The following SARM1 variants were observed in gnomAD, a reference collection of about 807,000 sequenced individuals.
The protein encoded by SARM1 is sterile alpha and TIR motif containing 1, also known as NAD(+) hydrolase SARM1.
In SARM1, 60 loss-of-function variants were observed where a neutral mutation model predicts 65.1. The observed-to-expected ratio is 0.92, with a 90% CI of 0.75 to 1.14. The LOEUF (loss-of-function observed/expected upper bound fraction) is 1.14, where lower values mean the gene tolerates loss of function less well. Ranked by LOEUF, SARM1 falls within the 50% of genes most tolerant of loss-of-function variation. SARM1 has a pLI of 0.00. For synonymous variants in SARM1, 417 were observed against 465.4 expected (o/e 0.90, Z 1.34); for missense variants, 913 against 1,015.7 (o/e 0.90, Z 1.37).
Position 28,384,081 on chromosome 17 carries a change from C to T in SARM1, c.1090-276C>T, listed in dbSNP as rs927182531. Among the ~76,000 whole-genome samples the T allele has an allele frequency of 5.3e-5, 8 of 152,128 alleles. No individual in the cohort carries two copies. The highest frequency in any genetic ancestry group is 2.1e-4 in the South Asian group (1 of 4,834). On this transcript the variant is annotated intron_variant, in intron 2 of 8. Coordinates refer to ENST00000585482, the MANE Select transcript of SARM1 (RefSeq NM_015077.4). This position sits in a 1 kb window ranked among gnomAD's most constrained non-coding sequence, Gnocchi z 4.4. ...CCTGCCTGGCGCTATGCTGAGAGCT[C>T]AACTTTATTCCAGGGCCGGTGGATG... is the stretch of plus-strand genomic sequence containing the variant.
At position 28,381,274 on chromosome 17, in the gene SARM1, C is replaced by G. The variant is rs1597817905; in HGVS notation, c.542C>G (p.Ala181Gly). 3 of 1,608,654 alleles carry G rather than the reference C, an allele frequency of 1.9e-6. No homozygotes were observed. The African/African-American group carries it at 4.0e-5, about 21-fold the overall frequency. Residue 181 changes from alanine to glycine, a missense_variant, in exon 2 of 9, where the codon GCG (alanine) becomes GGG (glycine). Physicochemically the swap from Ala to Gly is moderately conservative, Grantham distance 60 (BLOSUM62 0). Coordinates refer to ENST00000585482, the MANE Select transcript of SARM1 (RefSeq NM_015077.4). ...AAGGAACGCGAACCCGTAGAGCTGGCGCGGAGCGTGGCAGGCATCTTGGAG... is the reference window on the plus strand; with the variant it reads ...AAGGAACGCGAACCCGTAGAGCTGGGGCGGAGCGTGGCAGGCATCTTGGAG... ...LAKEREPVEL[A>G]RSVAGILEHM...
chr17:28,385,481 G>A lies in SARM1; in HGVS notation c.1630+206G>A, dbSNP rs1555585928. 3.5e-6 allele frequency: 2 copies of A among 575,500 alleles called. No homozygotes were observed. Among genetic ancestry groups the A allele is most frequent in the African/African-American group, 1.9e-5 (1 of 51,980 alleles). 35.6% of individuals were successfully genotyped at this position (575,500 alleles called of 1,614,324 possible). ...CCCAGTCTGAGGTGGGTAGGCGGTG[G>A]GAGGAAGGAGGCTATTAAACAGGCA... On this transcript the variant is annotated intron_variant, in intron 5 of 8. Coordinates refer to ENST00000585482, the MANE Select transcript of SARM1 (RefSeq NM_015077.4). The surrounding 1 kb of genome is among the most constrained non-coding windows in gnomAD (Gnocchi z 4.5).
At chr17:28,383,988 G>A (rs782299420) in intron 2 of SARM1, among the ~76,000 whole-genome samples, 12 of 152,220 alleles carry the variant, frequency 7.9e-5, no homozygotes, top group East Asian at 5.8e-4. Context: ...GTGCATGTGC[G>A]TGTGTGTGTG....
chr17:28,385,083 T>G lies in SARM1; in HGVS notation c.1438T>G (p.Ser480Ala), dbSNP rs142415096. The G allele has an allele frequency of 6.2e-7, 1 of 1,613,902 alleles. No homozygotes were observed. Among genetic ancestry groups the G allele is most frequent in the Non-Finnish European group, 8.5e-7 (1 of 1,179,886 alleles). The change falls in exon 5 of 9, where the codon TCT (serine) becomes GCT (alanine). Residue 480 changes from serine (S) to alanine (A), a missense_variant. Ser to Ala is a moderately conservative substitution (Grantham distance 99, BLOSUM62 1). Transcript: ENST00000585482. This position sits in a 1 kb window ranked among gnomAD's most constrained non-coding sequence, Gnocchi z 4.5. ...LTELKTFANYSTCDRSNLADW... is the reference protein window; with the variant it reads ...LTELKTFANYATCDRSNLADW... ...GGAGCTCAAGACCTTCGCCAACTAT[T>G]CTACGTGCGACCGCAGCAACCTGGC...
At chr17:28,374,499 T>G (rs1364253348) in intron 1 of SARM1, among the ~76,000 whole-genome samples, 1 of 151,920 alleles carries the variant, frequency 6.6e-6, no homozygotes. Context: ...AGCGCGCCAC[T>G]GCACTCCAGC....
Position 28,400,066 on chromosome 17 carries a change from T to A in SARM1, c.*3780T>A, listed in dbSNP as rs1420440341. 7 of 280,996 alleles carry A rather than the reference T, an allele frequency of 2.5e-5. No individual in the cohort carries two copies. Among genetic ancestry groups the A allele is most frequent in the African/African-American group, 1.1e-4 (5 of 45,594 alleles). The allele number at this position is 280,996 out of a possible 1,614,324, so 17.4% of individuals were successfully genotyped here. A position where few individuals can be genotyped will look rare whatever the true frequency, so the allele number is the denominator to read the frequency against. On this transcript the variant is annotated 3_prime_UTR_variant, in exon 9 of 9. Coordinates refer to ENST00000585482, the MANE Select transcript of SARM1 (RefSeq NM_015077.4). ...ATACCACCATGCCTGGGTGATTTTT[T>A]AAATTTTTTATACAGACAAGGTCTT...
At position 28,381,189 on chromosome 17, in the gene SARM1, C is replaced by A. The variant is rs1555585145; in HGVS notation, c.471-14C>A. On this transcript the variant is annotated splice_polypyrimidine_tract_variant and intron_variant, in intron 1 of 8. Coordinates refer to ENST00000585482, the MANE Select transcript of SARM1 (RefSeq NM_015077.4). The stretch of plus-strand genomic sequence containing the variant: ...GCGGCAATTCCACTGTCCCCTTCCA[C>A]TTTCACTGGGCAGAGACCGCGTGGC... The A allele has an allele frequency of 2.5e-6, 4 of 1,575,422 alleles. No homozygotes were observed. The highest frequency in any genetic ancestry group is 3.4e-6 in the Non-Finnish European group (4 of 1,161,794).
chr17:28,397,422 C>G lies in SARM1; in HGVS notation c.*1136C>G, dbSNP rs1555588374. On this transcript the variant is annotated 3_prime_UTR_variant, in exon 9 of 9. Transcript: ENST00000585482. ...AGCCCTCACAAATCTTTGCCATTTC[C>G]CAAACACTCCGCTCCATGGTCTCCA... 1 of 152,140 alleles carries G rather than the reference C, an allele frequency of 6.6e-6. No homozygotes were observed. The highest frequency in any genetic ancestry group is 1.9e-4 in the East Asian group (1 of 5,196). The allele number at this position is 152,140 out of a possible 1,614,324, so 9.4% of individuals were successfully genotyped here. A position where few individuals can be genotyped will look rare whatever the true frequency, so the allele number is the denominator to read the frequency against.
chr17:28,388,641 G>A (rs1289240912), intron 7 of SARM1, 102 bp downstream of exon 7: 1 of 1,253,556 alleles, frequency 8.0e-7, no homozygotes, highest in African/African-American at 1.5e-5. Flanking sequence ...GGCACACTTA[G>A]CCCTGAAGCA....
At chr17:28,395,025 A>G (rs1187065993) in intron 7 of SARM1, 2 of 151,590 alleles carry the variant, frequency 1.3e-5, no homozygotes, top group East Asian at 3.9e-4. Context: ...TTACAGAAAA[A>G]AAAAAAATAG....
At position 28,382,337 on chromosome 17, in the gene SARM1, G is replaced by T. The variant is rs562404734; in HGVS notation, c.1089+516G>T. Reference sequence around the variant, plus strand: ...GAGAGACAAGTGGAAGTGGGGAAGGGGAAGAAAGTGACTTCTGCAGGACAT... The same window carrying T: ...GAGAGACAAGTGGAAGTGGGGAAGGTGAAGAAAGTGACTTCTGCAGGACAT... On this transcript the variant is annotated intron_variant, in intron 2 of 8. Transcript: ENST00000585482. Among the ~76,000 whole-genome samples the T allele has an allele frequency of 9.2e-5, 14 of 152,250 alleles. No homozygotes were observed. The South Asian group carries it at 1.0e-3, about 11-fold the overall frequency.
At chr17:28,388,136 G>A in intron 5 of SARM1, 38 bp from the exon 6 acceptor site, 3 of 1,393,486 alleles carry the variant, frequency 2.2e-6, no homozygotes, top group Non-Finnish European at 3.0e-6. Flanking sequence ...GTGATGCGGA[G>A]GGGCCACCTT....
Position 28,379,920 on chromosome 17 carries a change from A to G in SARM1, c.471-1283A>G, listed in dbSNP as rs141557264. Reference sequence around the variant, plus strand: ...GAGCATCTCTTTATCTGGTTTTTCAAATTTTGGATTTCCTCTTGTCAATTG... The same window carrying G: ...GAGCATCTCTTTATCTGGTTTTTCAGATTTTGGATTTCCTCTTGTCAATTG... On this transcript the variant is annotated intron_variant, in intron 1 of 8. Transcript: ENST00000585482. 1.1e-3 allele frequency among the ~76,000 whole-genome samples: 166 copies of G among 152,238 alleles called. 1 individual carries two copies. The highest frequency in any genetic ancestry group is 8.2e-3 in the Admixed American group (125 of 15,298).
At position 28,399,979 on chromosome 17, in the gene SARM1, G is replaced by T; in HGVS notation, c.*3693G>T. 2.2e-6 allele frequency: 1 copy of T among 452,030 alleles called. No homozygotes were observed. The allele number at this position is 452,030 out of a possible 1,614,324, so 28.0% of individuals were successfully genotyped here. ...CATAATCATAGCTCACTGTACCCTTGAACTCCTGGGCTCAAGTGATCCTCC... is the reference window on the plus strand; with the variant it reads ...CATAATCATAGCTCACTGTACCCTTTAACTCCTGGGCTCAAGTGATCCTCC... On this transcript the variant is annotated 3_prime_UTR_variant, in exon 9 of 9. Transcript: ENST00000585482.
chr17:28,396,050 AGGGGGGTAGG>A, intron 8 of SARM1, 24 bp downstream of exon 8: 3 of 1,613,632 alleles, frequency 1.9e-6, no homozygotes, highest in Non-Finnish European at 2.5e-6. Flanking sequence ...CCCTGGGACC[AGGGGGGTAGG>A]GTACAAATCA....
chr17:28,400,614 T>G lies in SARM1; in HGVS notation c.*4328T>G. 1 of 1,613,540 alleles carries G rather than the reference T, an allele frequency of 6.2e-7. No individual in the cohort carries two copies. Among genetic ancestry groups the G allele is most frequent in the East Asian group, 2.2e-5 (1 of 44,864 alleles). On this transcript the variant is annotated 3_prime_UTR_variant, in exon 9 of 9. Transcript: ENST00000585482. ...GGGTTCAGGGCCCTGCATTACCCAA[T>G]CAGAACAGCCGGGATGAGCAGGAGG...
At position 28,382,690 on chromosome 17, in the gene SARM1, G is replaced by A. The variant is rs183668903; in HGVS notation, c.1089+869G>A. ...CACAGCAGCAGTTCTTACCCTAGAT[G>A]TGGGATAGTTTTAGCACCACAAGTT... is the stretch of plus-strand genomic sequence containing the variant. On this transcript the variant is annotated intron_variant, in intron 2 of 8. Coordinates refer to ENST00000585482, the MANE Select transcript of SARM1 (RefSeq NM_015077.4). Among the ~76,000 whole-genome samples the A allele has an allele frequency of 5.3e-5, 8 of 152,314 alleles. No individual in the cohort carries two copies. The East Asian group carries it at 7.7e-4, about 15-fold the overall frequency.
chr17:28,382,097 A>G (rs975529566), intron 2 of SARM1, among the ~76,000 whole-genome samples: 5 of 152,094 alleles, frequency 3.3e-5, no homozygotes, highest in African/African-American at 1.2e-4. Flanking sequence ...GGGGCTTGGC[A>G]AGGGTGAGGA....
chr17:28,388,389 C>T lies in SARM1; in HGVS notation c.1773C>T (p.Val591=), dbSNP rs782559954. Residue 591 remains valine (V), a synonymous_variant, in exon 7 of 9, where the codon GTC becomes GTT. Transcript: ENST00000585482. ...KVHLQLHGFS[V]FIDVEKLEAG... ...ACCTGCAGCTGCATGGCTTCAGTGT[C>T]TTCATTGATGTGGAGAAGCTGGAAG... The T allele has an allele frequency of 1.2e-6, 2 of 1,613,984 alleles. No individual in the cohort carries two copies. The highest frequency in any genetic ancestry group is 1.7e-5 in the Admixed American group (1 of 60,010).
Sources: gnomAD v4.1 joint callset for allele counts (sites outside exome capture counted in the v4.1 genomes callset) on GRCh38, gnomAD v4.1.1 for gene constraint, Gnocchi (gnomAD v3.1) non-coding constraint, MANE v1.5 for transcripts, NCBI Gene and HGNC (gene_info 2026-07-23, HGNC 2026-07-21) for gene names.